Variants in CPA6 observed in about 807,000 individuals in gnomAD.
The protein encoded by CPA6 is carboxypeptidase A6.
A neutral mutation model predicts 63.3 loss-of-function variants in CPA6; 58 were observed. That is an observed-to-expected ratio of 0.92 (90% CI 0.74 to 1.14). The LOEUF (loss-of-function observed/expected upper bound fraction) is 1.14. CPA6 is among the 50% of genes most tolerant of loss of function. The pLI is 0.00. For missense variants in CPA6, 565 were observed against 526.6 expected, an observed-to-expected ratio of 1.07 and a Z score of -0.71; for synonymous variants, 185 against 179.0, an observed-to-expected ratio of 1.03 and a Z score of -0.27.
At chr8:67,651,465 T>A (rs981057742) in intron 1 of CPA6, among the ~76,000 whole-genome samples, 23 of 152,152 alleles carry the variant, frequency 1.5e-4, no homozygotes, top group African/African-American at 5.5e-4. Flanking sequence ...TTATTTATTT[T>A]TTAATGCTCA....
intron 1 of CPA6, among the ~76,000 whole-genome samples, chr8:67,659,497 G>A (rs192011490): frequency 4.5e-4 from 68 of 152,264 alleles, no homozygotes; most frequent in Non-Finnish European, 6.9e-4. Flanking sequence ...TTATAACATT[G>A]GCTGCTTTAA....
chr8:67,741,591 C>T (rs188267991), intron 1 of CPA6, among the ~76,000 whole-genome samples: 67 of 152,246 alleles, frequency 4.4e-4, no homozygotes, highest in Non-Finnish European at 6.2e-4. Flanking sequence ...TGCCTCCTGT[C>T]GATCATCAGT....
chr8:67,718,330 T>C (rs1306283760), intron 1 of CPA6, among the ~76,000 whole-genome samples: 1 of 152,178 alleles, frequency 6.6e-6, no homozygotes, highest in Non-Finnish European at 1.5e-5. Context: ...AAGAAAATTA[T>C]AGCCAGAGAA....
chr8:67,653,911 G>A (rs1044803493), intron 1 of CPA6, among the ~76,000 whole-genome samples: 23 of 151,398 alleles, frequency 1.5e-4, no homozygotes, highest in Admixed American at 6.6e-4. Context: ...TTTGAGATAC[G>A]TCCCATCAAT....
At position 67,565,933 on chromosome 8, in the gene CPA6, GGGAAACATCCTTTCT is replaced by G. The variant is rs374414881; in HGVS notation, c.193-47901_193-47887del. 4.6e-3 allele frequency among the ~76,000 whole-genome samples: 695 copies of G among 152,280 alleles called. 4 individuals carry two copies. Among genetic ancestry groups the G allele is most frequent in the African/African-American group, 0.016 (649 of 41,574 alleles). On this transcript the variant is annotated intron_variant, in intron 2 of 10. Coordinates refer to ENST00000297770, the MANE Select transcript of CPA6 (RefSeq NM_020361.5). Reference sequence around the variant, plus strand: ...TGGATAACAAGGGTCACCATGACAAGGGAAACATCCTTTCTGTTGCCAAGACCAAATTAAATTTTC... The same window carrying G: ...TGGATAACAAGGGTCACCATGACAAGGTTGCCAAGACCAAATTAAATTTTC...
intron 2 of CPA6, among the ~76,000 whole-genome samples, chr8:67,561,056 T>C (rs1813199003): frequency 1.3e-5 from 2 of 152,168 alleles, no homozygotes; most frequent in East Asian, 1.9e-4. Context: ...CCTATTCTAA[T>C]TCATCTTACA....
intron 8 of CPA6, among the ~76,000 whole-genome samples, chr8:67,436,861 C>A (rs186905451): frequency 2.6e-5 from 4 of 152,124 alleles, no homozygotes; most frequent in Non-Finnish European, 5.9e-5. Flanking sequence ...TGATAATTCT[C>A]TCCATAAACT....
intron 2 of CPA6, among the ~76,000 whole-genome samples, chr8:67,552,719 G>C (rs1397699524): frequency 8.0e-6 from 1 of 125,476 alleles, no homozygotes; most frequent in Non-Finnish European, 1.6e-5. Context: ...CTTGCATGCA[G>C]TGAACCAAGA....
At chr8:67,469,193 T>C (rs35392939) in intron 8 of CPA6, among the ~76,000 whole-genome samples, 58,117 of 152,086 alleles carry the variant, frequency 0.38, 11,431 homozygotes, top group African/African-American at 0.48. Flanking sequence ...AACATTACTC[T>C]TAATGTTTTG....
chr8:67,497,992 C>T (rs1487147825), intron 6 of CPA6, among the ~76,000 whole-genome samples: 3 of 152,114 alleles, frequency 2.0e-5, no homozygotes, highest in African/African-American at 7.2e-5. Context: ...AAGTCCATTA[C>T]TTTTAAGTTT....
intron 8 of CPA6, among the ~76,000 whole-genome samples, chr8:67,443,720 A>G (rs1193402078): frequency 1.3e-5 from 2 of 152,200 alleles, no homozygotes; most frequent in African/African-American, 4.8e-5. Flanking sequence ...TTTATGTTAG[A>G]CTGATCTTGT....
rs1219106846 is a variant in CPA6, at chr8:67,422,265, A to G, written c.*239T>C. On this transcript the variant is annotated 3_prime_UTR_variant, in exon 11 of 11. Coordinates refer to ENST00000297770, the MANE Select transcript of CPA6 (RefSeq NM_020361.5). ...AAATTTGAAAACATTCCCTCCCACC[A>G]TAATCAAATAAGACTCTAAAAGGAT... The G allele has an allele frequency of 1.1e-5, 4 of 367,132 alleles. No individual in the cohort carries two copies. The highest frequency in any genetic ancestry group is 4.2e-5 in the Admixed American group (1 of 23,814). The allele number at this position is 367,132 out of a possible 1,614,324, so 22.7% of individuals were successfully genotyped here.
chr8:67,696,899 C>T (rs987291545), intron 1 of CPA6, among the ~76,000 whole-genome samples: 2 of 152,158 alleles, frequency 1.3e-5, no homozygotes, highest in East Asian at 3.8e-4. Context: ...ATGGAAATGT[C>T]CTAAAACTAG....
chr8:67,605,531 C>CTTTTTTTTTTTTTTTTTTTT (rs68153641), intron 2 of CPA6, among the ~76,000 whole-genome samples: 1 of 125,268 alleles, frequency 8.0e-6, no homozygotes, highest in Non-Finnish European at 1.7e-5. Flanking sequence ...TATTGTATTG[C>CTTTTTTTTTTTTTTTTTTTT]TTTTTTTTTT....
chr8:67,514,432 T>C (rs571686441), intron 3 of CPA6, among the ~76,000 whole-genome samples: 2 of 152,254 alleles, frequency 1.3e-5, no homozygotes, highest in African/African-American at 2.4e-5. Flanking sequence ...TTATGTATTC[T>C]TGTACAGAGT....
intron 2 of CPA6, among the ~76,000 whole-genome samples, chr8:67,537,623 T>G (rs987464336): frequency 2.3e-4 from 35 of 152,120 alleles, no homozygotes; most frequent in African/African-American, 8.0e-4. Context: ...TTTGTTAATC[T>G]TTTCAAAAAA....
chr8:67,587,126 G>A (rs1053078990), intron 2 of CPA6, among the ~76,000 whole-genome samples: 3 of 152,236 alleles, frequency 2.0e-5, no homozygotes, highest in Non-Finnish European at 2.9e-5. Context: ...TGGCTATAAA[G>A]AATGTGGATC....
chr8:67,610,444 C>A (rs1319713720), intron 2 of CPA6, among the ~76,000 whole-genome samples: 1 of 152,132 alleles, frequency 6.6e-6, no homozygotes, highest in Non-Finnish European at 1.5e-5. Flanking sequence ...AGTCTCTCAG[C>A]ACCTCCTCAG....
intron 6 of CPA6, among the ~76,000 whole-genome samples, chr8:67,503,385 C>T (rs1441836003): frequency 6.6e-6 from 1 of 152,080 alleles, no homozygotes; most frequent in African/African-American, 2.4e-5. Flanking sequence ...CAGCTTTGAC[C>T]TCCTGAGTTC....
Sources: allele counts gnomAD v4.1 joint callset (sites outside exome capture counted in the v4.1 genomes callset), GRCh38; gene constraint gnomAD v4.1.1; transcripts MANE v1.5; gene names NCBI Gene and HGNC (gene_info 2026-07-23, HGNC 2026-07-21).